The following CCDC91 variants were observed in gnomAD, a reference collection of about 807,000 sequenced individuals.
CCDC91 encodes the protein coiled-coil domain containing 91, also known as coiled-coil domain-containing protein 91.
A neutral mutation model predicts 63.2 loss-of-function variants in CCDC91; 48 were observed. That is an observed-to-expected ratio of 0.76 (90% CI 0.60 to 0.97). CCDC91 has a LOEUF of 0.97. Ranked by LOEUF, CCDC91 falls within the 50% of genes least tolerant of loss-of-function variation. CCDC91 has a pLI of 0.00. For synonymous variants in CCDC91, 167 were observed against 165.8 expected (o/e 1.01, Z -0.06); for missense variants, 500 against 494.6 (o/e 1.01, Z -0.10).
intron 3 of CCDC91, among the ~76,000 whole-genome samples, chr12:28,267,949 TTA>T (rs1347832189): frequency 9.4e-6 from 1 of 106,454 alleles, no homozygotes. Context: ...TATATAATTA[TTA>T]TATATAATTA....
At chr12:28,363,013 C>CTATGCAG (rs1218980271) in intron 7 of CCDC91, among the ~76,000 whole-genome samples, 1 of 152,130 alleles carries the variant, frequency 6.6e-6, no homozygotes, top group East Asian at 1.9e-4. Flanking sequence ...AATTCTGTGC[C>CTATGCAG]TGCATAAGCT....
intron 6 of CCDC91, among the ~76,000 whole-genome samples, chr12:28,335,569 G>A (rs1025736752): frequency 3.2e-4 from 49 of 151,106 alleles, no homozygotes; most frequent in Non-Finnish European, 5.9e-4. Flanking sequence ...CACCGTGCCC[G>A]TCTGATTCTT....
In CCDC91 at chr12:28,450,189, C is replaced by T; in HGVS notation, c.791C>T (p.Thr264Ile). The stretch of plus-strand genomic sequence containing the variant: ...CAGAGGCTCCTTGAAATGCTAGATA[C>T]AGAGAAGGAACTGTTAAAAGAAAAA... ...QHQRLLEMLDTEKELLKEKIK... is the reference protein window; with the variant it reads ...QHQRLLEMLDIEKELLKEKIK... Residue 264 changes from threonine (T) to isoleucine (I), a missense_variant, in exon 9 of 13, where the codon ACA (threonine) becomes ATA (isoleucine). Transcript: ENST00000536442. 6.2e-7 allele frequency: 1 copy of T among 1,607,868 alleles called. No homozygotes were observed. The highest frequency in any genetic ancestry group is 8.5e-7 in the Non-Finnish European group (1 of 1,176,660).
At chr12:28,466,398 A>G (rs1410866840) in intron 11 of CCDC91, among the ~76,000 whole-genome samples, 1 of 152,146 alleles carries the variant, frequency 6.6e-6, no homozygotes, top group Middle Eastern at 3.2e-3. Flanking sequence ...AAAGAAGACT[A>G]CACCTCAAGG....
chr12:28,212,925 G>T (rs1013866599), intron 1 of CCDC91, among the ~76,000 whole-genome samples: 2 of 152,166 alleles, frequency 1.3e-5, no homozygotes, highest in Non-Finnish European at 2.9e-5. Flanking sequence ...GCCACTCTGG[G>T]TCTTCAAAGA....
intron 8 of CCDC91, among the ~76,000 whole-genome samples, chr12:28,444,923 A>G (rs1269763423): frequency 6.6e-6 from 1 of 152,198 alleles, no homozygotes. Context: ...TTAAAACAAT[A>G]GAAGCATTTC....
chr12:28,275,891 T>G (rs1488574243), intron 3 of CCDC91, among the ~76,000 whole-genome samples: 1 of 152,120 alleles, frequency 6.6e-6, no homozygotes, highest in African/African-American at 2.4e-5. Flanking sequence ...TCTCAATAGA[T>G]GCCCAAAAGG....
intron 1 of CCDC91, among the ~76,000 whole-genome samples, chr12:28,237,296 T>A (rs1945026703): frequency 6.9e-6 from 1 of 145,516 alleles, no homozygotes; most frequent in African/African-American, 2.5e-5. Context: ...GTAGGCAGAA[T>A]AATGTCCTTC....
intron 8 of CCDC91, among the ~76,000 whole-genome samples, chr12:28,434,594 G>GTTTTTTTTTT (rs376645678): frequency 1.4e-5 from 1 of 73,436 alleles, no homozygotes; most frequent in Non-Finnish European, 2.4e-5. Context: ...CCTTGGTCTG[G>GTTTTTTTTTT]TTTTTTTTTT....
chr12:28,238,213 C>A (rs1029916190), intron 1 of CCDC91, among the ~76,000 whole-genome samples: 1 of 152,082 alleles, frequency 6.6e-6, no homozygotes, highest in African/African-American at 2.4e-5. Context: ...ATAATAACTT[C>A]TTAGATAATG....
intron 3 of CCDC91, among the ~76,000 whole-genome samples, chr12:28,293,783 CA>C (rs1227022164): frequency 6.6e-6 from 1 of 151,772 alleles, no homozygotes; most frequent in Non-Finnish European, 1.5e-5. Context: ...GGCTGGAGTA[CA>C]ATGATGTGAT....
rs1948603467 is a variant in CCDC91 at position 28,431,116 on chromosome 12, T to C, written c.763-19045T>C. Among the ~76,000 whole-genome samples the C allele has an allele frequency of 2.6e-5, 4 of 151,670 alleles. No individual in the cohort carries two copies. In the South Asian group the frequency reaches 8.3e-4, roughly 31 times the overall value. ...GAGAATTATATATCACACACACACATATGATATTAATTCTTTGAAATGTGA... is the reference window on the plus strand; with the variant it reads ...GAGAATTATATATCACACACACACACATGATATTAATTCTTTGAAATGTGA... On this transcript the variant is annotated intron_variant, in intron 8 of 12. Transcript: ENST00000536442.
rs561088714 is a variant in CCDC91 at position 28,549,888 on chromosome 12, T to G, written c.*715T>G. 6.6e-6 allele frequency: 1 copy of G among 152,384 alleles called. No individual in the cohort carries two copies. The highest frequency in any genetic ancestry group is 1.9e-4 in the East Asian group (1 of 5,184). The allele number at this position is 152,384 out of a possible 1,614,324, so 9.4% of individuals were successfully genotyped here. A position where few individuals can be genotyped will look rare whatever the true frequency, so the allele number is the denominator to read the frequency against. On this transcript the variant is annotated 3_prime_UTR_variant, in exon 13 of 13. Coordinates refer to ENST00000536442, the MANE Select transcript of CCDC91 (RefSeq NM_018318.5). ...AACCATTAGTCTACAAATCAAATTGTGAACTTAATCTCTAGAAAGAGAATA... is the reference window on the plus strand; with the variant it reads ...AACCATTAGTCTACAAATCAAATTGGGAACTTAATCTCTAGAAAGAGAATA...
intron 1 of CCDC91, among the ~76,000 whole-genome samples, chr12:28,208,898 T>A (rs995883347): frequency 6.6e-6 from 1 of 152,152 alleles, no homozygotes; most frequent in Admixed American, 6.5e-5. Flanking sequence ...CCTCCCGGGT[T>A]CACGCCATTC....
intron 1 of CCDC91, 184 bp downstream of exon 1, chr12:28,190,825 G>C (rs1274174295): frequency 1.3e-5 from 2 of 152,286 alleles, no homozygotes; most frequent in Non-Finnish European, 2.9e-5. Context: ...CCTCCTGCGG[G>C]AACGGAGCCA....
intron 12 of CCDC91, among the ~76,000 whole-genome samples, chr12:28,521,363 G>C (rs1361342546): frequency 6.6e-6 from 1 of 151,954 alleles, no homozygotes; most frequent in Non-Finnish European, 1.5e-5. Flanking sequence ...TCATGATTTG[G>C]CTCTCTGTTT....
Position 28,201,904 on chromosome 12 carries a change from TGCAATAGCAGGC to T in CCDC91, c.-15+11264_-15+11275del, listed in dbSNP as rs944611911. On this transcript the variant is annotated intron_variant, in intron 1 of 12. Coordinates refer to ENST00000536442, the MANE Select transcript of CCDC91 (RefSeq NM_018318.5). ...CCAGTGAGGCGTGGCGTCGCGTGCCTGCAATAGCAGGCACTGGGCAGGCTGAGGCAGGAGAAT... is the reference window on the plus strand; with the variant it reads ...CCAGTGAGGCGTGGCGTCGCGTGCCTACTGGGCAGGCTGAGGCAGGAGAAT... Among the ~76,000 whole-genome samples the T allele has an allele frequency of 7.5e-5, 11 of 146,228 alleles. 1 individual carries two copies. The South Asian group carries it at 1.9e-3, about 25-fold the overall frequency.
intron 12 of CCDC91, among the ~76,000 whole-genome samples, chr12:28,523,670 C>T (rs1255020484): frequency 2.0e-5 from 3 of 152,070 alleles, no homozygotes; most frequent in Admixed American, 6.6e-5. Flanking sequence ...TTCCTAGCAT[C>T]GATGGTCTTT....
intron 8 of CCDC91, among the ~76,000 whole-genome samples, chr12:28,418,144 T>G (rs986002750): frequency 1.3e-5 from 2 of 152,106 alleles, no homozygotes; most frequent in African/African-American, 4.8e-5. Flanking sequence ...CAGACTATTT[T>G]CCAATGTGGC....
Sources: allele counts gnomAD v4.1 joint callset (sites outside exome capture counted in the v4.1 genomes callset), GRCh38; gene constraint gnomAD v4.1.1; transcripts MANE v1.5; gene names NCBI Gene and HGNC (gene_info 2026-07-23, HGNC 2026-07-21).